Variants in NDFIP2 observed in about 807,000 individuals in gnomAD.
The protein encoded by NDFIP2 is NEDD4 family-interacting protein 2.
Under a neutral mutation model 36.0 loss-of-function variants are expected in NDFIP2, and 19 were observed. The ratio of observed to expected loss-of-function variants is 0.53; its 90% CI spans 0.37 to 0.77. NDFIP2 has a LOEUF of 0.77. NDFIP2 is among the 30% of genes least tolerant of loss of function. NDFIP2 has a pLI of 0.00. For missense variants in NDFIP2, 446 were observed against 435.8 expected, an observed-to-expected ratio of 1.02 and a Z score of -0.21; for synonymous variants, 181 against 167.7, an observed-to-expected ratio of 1.08 and a Z score of -0.61.
At chr13:79,500,518 T>G (rs1873617615) in intron 1 of NDFIP2, among the ~76,000 whole-genome samples, 1 of 151,862 alleles carries the variant, frequency 6.6e-6, no homozygotes, top group African/African-American at 2.4e-5. Context: ...GACAAAAACC[T>G]TAAGAGACAC....
chr13:79,502,413 AGTTACACACC>A (rs1330947014), intron 1 of NDFIP2, among the ~76,000 whole-genome samples: 1 of 152,180 alleles, frequency 6.6e-6, no homozygotes, highest in East Asian at 1.9e-4. Flanking sequence ...AAACCAAACC[AGTTACACACC>A]GTCCAGCTTC....
At chr13:79,550,841 T>G (rs1286902249) in intron 6 of NDFIP2, among the ~76,000 whole-genome samples, 176 bp from the exon 7 acceptor site, 1 of 151,600 alleles carries the variant, frequency 6.6e-6, no homozygotes, top group Non-Finnish European at 1.5e-5. Flanking sequence ...AAAAATTGTA[T>G]TTCCTTGTGA....
intron 3 of NDFIP2, among the ~76,000 whole-genome samples, chr13:79,537,816 T>C (rs1300874292): frequency 2.0e-5 from 3 of 152,188 alleles, no homozygotes; most frequent in Non-Finnish European, 4.4e-5. Context: ...AATTGAGTTA[T>C]TCACACTCAA....
At chr13:79,499,537 T>C (rs1327039092) in intron 1 of NDFIP2, among the ~76,000 whole-genome samples, 2 of 151,926 alleles carry the variant, frequency 1.3e-5, no homozygotes, top group African/African-American at 4.8e-5. Flanking sequence ...TATAGCAAGA[T>C]TGCAGGATAA....
intron 2 of NDFIP2, among the ~76,000 whole-genome samples, chr13:79,530,272 G>A (rs2137097429): frequency 6.6e-6 from 1 of 152,094 alleles, no homozygotes. Flanking sequence ...TACAGGGACA[G>A]CTATTTAAAA....
chr13:79,484,896 A>G (rs1412436401), intron 1 of NDFIP2, among the ~76,000 whole-genome samples: 1 of 152,240 alleles, frequency 6.6e-6, no homozygotes, highest in African/African-American at 2.4e-5. Context: ...TCTACCTGAC[A>G]AAGATTATTG....
chr13:79,548,438 A>C, intron 6 of NDFIP2, 44 bp downstream of exon 6: 1 of 1,371,914 alleles, frequency 7.3e-7, no homozygotes, highest in Non-Finnish European at 1.0e-6. Flanking sequence ...GGATATTTCC[A>C]AAAACTGTAA....
chr13:79,551,815 T>G (rs1875920092), intron 7 of NDFIP2, among the ~76,000 whole-genome samples: 1 of 151,358 alleles, frequency 6.6e-6, no homozygotes, highest in Admixed American at 6.6e-5. Flanking sequence ...TAAAGTAACC[T>G]CATACTCCCT....
chr13:79,549,057 T>C (rs1046219623), intron 6 of NDFIP2, among the ~76,000 whole-genome samples: 2 of 152,020 alleles, frequency 1.3e-5, no homozygotes, highest in African/African-American at 2.4e-5. Context: ...CTTTTGTTTC[T>C]AGTTAAGAGT....
chr13:79,517,535 A>G (rs1874398502), intron 1 of NDFIP2, among the ~76,000 whole-genome samples: 1 of 152,260 alleles, frequency 6.6e-6, no homozygotes, highest in Admixed American at 6.5e-5. Context: ...CAAAGATATC[A>G]AAATTACAGA....
intron 4 of NDFIP2, among the ~76,000 whole-genome samples, chr13:79,542,508 T>C (rs1341775915): frequency 6.6e-6 from 1 of 152,022 alleles, no homozygotes; most frequent in Non-Finnish European, 1.5e-5. Flanking sequence ...TTGTTCTGTT[T>C]TTTGTTTTTT....
At chr13:79,501,553 A>G (rs542775726) in intron 1 of NDFIP2, among the ~76,000 whole-genome samples, 1 of 152,224 alleles carries the variant, frequency 6.6e-6, no homozygotes, top group Admixed American at 6.5e-5. Flanking sequence ...GGAAACAGAA[A>G]GAGTGAGTGA....
intron 1 of NDFIP2, among the ~76,000 whole-genome samples, chr13:79,520,528 G>A (rs939210108): frequency 2.0e-5 from 3 of 152,176 alleles, no homozygotes; most frequent in South Asian, 2.1e-4. Context: ...ATATGAATTT[G>A]TATTTATTTT....
intron 2 of NDFIP2, among the ~76,000 whole-genome samples, chr13:79,526,232 A>G (rs1275261515): frequency 6.6e-6 from 1 of 152,186 alleles, no homozygotes; most frequent in Non-Finnish European, 1.5e-5. Flanking sequence ...CTGAAAAGGA[A>G]CAGGTTTGGA....
At chr13:79,483,583 G>C (rs190192298) in intron 1 of NDFIP2, among the ~76,000 whole-genome samples, 26 of 152,122 alleles carry the variant, frequency 1.7e-4, no homozygotes, top group Non-Finnish European at 3.5e-4. Flanking sequence ...ACTAAGTCAG[G>C]AGATAGGCAA....
chr13:79,516,943 G>A (rs976622585), intron 1 of NDFIP2, among the ~76,000 whole-genome samples: 6 of 152,094 alleles, frequency 3.9e-5, no homozygotes, highest in African/African-American at 7.2e-5. Context: ...TAGGATACAT[G>A]CCAATAAAAG....
intron 1 of NDFIP2, among the ~76,000 whole-genome samples, chr13:79,497,644 A>C (rs1342787992): frequency 6.8e-6 from 1 of 147,972 alleles, no homozygotes; most frequent in Non-Finnish European, 1.5e-5. Flanking sequence ...AACTAGAGCC[A>C]ACTGTAGATT....
intron 1 of NDFIP2, among the ~76,000 whole-genome samples, chr13:79,513,710 C>T (rs1487310932): frequency 2.0e-5 from 3 of 146,698 alleles, no homozygotes; most frequent in African/African-American, 7.3e-5. Context: ...TAGTTTTTTT[C>T]TCTTCTTTTT....
intron 1 of NDFIP2, among the ~76,000 whole-genome samples, chr13:79,505,882 TTACTC>T (rs1258314230): frequency 2.0e-5 from 3 of 152,144 alleles, no homozygotes; most frequent in Non-Finnish European, 4.4e-5. Context: ...ATGCTGGTAT[TTACTC>T]TATGTATTAT....
Sources: gnomAD v4.1 joint callset for allele counts (sites outside exome capture counted in the v4.1 genomes callset) on GRCh38, gnomAD v4.1.1 for gene constraint, MANE v1.5 for transcripts, NCBI Gene and HGNC (gene_info 2026-07-23, HGNC 2026-07-21) for gene names.